Variants in KIRREL3 observed in about 807,000 individuals in gnomAD.
KIRREL3 encodes kin of IRRE-like protein 3.
A neutral mutation model predicts 89.7 loss-of-function variants in KIRREL3; 36 were observed. The ratio of observed to expected loss-of-function variants is 0.40; its 90% CI spans 0.31 to 0.53. The LOEUF (loss-of-function observed/expected upper bound fraction) is 0.53. Among genes scored for constraint, KIRREL3 ranks in the 20% least tolerant of loss-of-function variants. The probability of loss-of-function intolerance (pLI) is 0.49; values close to 1 mark genes in which losing one functional copy is unlikely to be tolerated. For synonymous variants in KIRREL3, 445 were observed against 441.4 expected (o/e 1.01, Z -0.10); for missense variants, 864 against 1,056.6 (o/e 0.82, Z 2.53).
intron 1 of KIRREL3, among the ~76,000 whole-genome samples, chr11:126,827,693 G>A (rs1214935130): frequency 2.6e-5 from 4 of 152,264 alleles, no homozygotes; most frequent in East Asian, 1.9e-4. Context: ...CCTTAAAGTC[G>A]ATAACAATCA....
chr11:126,941,139 A>C (rs1948429388), intron 1 of KIRREL3, among the ~76,000 whole-genome samples: 2 of 152,124 alleles, frequency 1.3e-5, no homozygotes, highest in South Asian at 4.2e-4. Context: ...AATTATTGAA[A>C]ATTTCATCTG....
In KIRREL3 at chr11:126,734,782, G is replaced by A. The variant is rs1317930420; in HGVS notation, c.56-171870C>T. ...AAAGTGCTAAGGAATCACAGTGGTG[G>A]AGACTGATGAGCAGGTCAGAGAAGT... On this transcript the variant is annotated intron_variant, in intron 1 of 16. Coordinates refer to ENST00000525144, the MANE Select transcript of KIRREL3 (RefSeq NM_032531.4). The surrounding 1 kb of genome is among the most constrained non-coding windows in gnomAD (Gnocchi z 5.9). Among the ~76,000 whole-genome samples the A allele has an allele frequency of 6.6e-6, 1 of 152,212 alleles. No individual in the cohort carries two copies. Among genetic ancestry groups the A allele is most frequent in the East Asian group, 1.9e-4 (1 of 5,194 alleles).
rs2134691238 is a variant in KIRREL3 at position 126,587,195 on chromosome 11, G to A, written c.56-24283C>T. ...CTTGGAAAATGTCCACTGGGGACAT[G>A]ACATCCAAGCTGAAACCCGAAGGAC... On this transcript the variant is annotated intron_variant, in intron 1 of 16. Transcript: ENST00000525144. This position sits in a 1 kb window ranked among gnomAD's most constrained non-coding sequence, Gnocchi z 5.2. 6.6e-6 allele frequency among the ~76,000 whole-genome samples: 1 copy of A among 152,242 alleles called. No individual in the cohort carries two copies. Among genetic ancestry groups the A allele is most frequent in the Middle Eastern group, 3.4e-3 (1 of 294 alleles).
At chr11:126,789,115 A>G (rs931736289) in intron 1 of KIRREL3, among the ~76,000 whole-genome samples, 1 of 152,202 alleles carries the variant, frequency 6.6e-6, no homozygotes, top group Non-Finnish European at 1.5e-5. Context: ...CTTTAGGGGC[A>G]TGGACTACTC....
chr11:126,957,727 G>A (rs995322083), intron 1 of KIRREL3, among the ~76,000 whole-genome samples: 1 of 152,192 alleles, frequency 6.6e-6, no homozygotes, highest in African/African-American at 2.4e-5. Flanking sequence ...ACAGGAGAGA[G>A]CTCTAAGGTC....
intron 1 of KIRREL3, among the ~76,000 whole-genome samples, chr11:126,661,173 A>G (rs1399832645): frequency 6.6e-6 from 1 of 152,196 alleles, no homozygotes; most frequent in Admixed American, 6.5e-5. Flanking sequence ...GGATGGTGTC[A>G]TTTTTCTTAT....
At chr11:126,483,132 G>C (rs774682536) in intron 4 of KIRREL3, among the ~76,000 whole-genome samples, 2 of 152,198 alleles carry the variant, frequency 1.3e-5, no homozygotes, top group Non-Finnish European at 2.9e-5. Flanking sequence ...CCTATACTCA[G>C]AGGAAAGAAA....
chr11:126,716,764 T>A (rs1947983452), intron 1 of KIRREL3, among the ~76,000 whole-genome samples: 1 of 89,394 alleles, frequency 1.1e-5, no homozygotes, highest in African/African-American at 4.5e-5. Flanking sequence ...GGGGGGGAAG[T>A]GTGGGGGAGA....
chr11:127,002,662 G>T (rs531256863), upstream of KIRREL3, among the ~76,000 whole-genome samples: 14 of 152,356 alleles, frequency 9.2e-5, no homozygotes, highest in Admixed American at 8.5e-4. Flanking sequence ...TGCCATTCTT[G>T]CAGGGAATAG....
chr11:126,526,442 A>G lies in KIRREL3; in HGVS notation c.283+96T>C. The G allele has an allele frequency of 1.6e-6, 2 of 1,229,864 alleles. No individual in the cohort carries two copies. The highest frequency in any genetic ancestry group is 2.5e-5 in the East Asian group (1 of 39,306). The allele number at this position is 1,229,864 out of a possible 1,614,324, so 76.2% of individuals were successfully genotyped here. On this transcript the variant is annotated intron_variant, in intron 3 of 16. Coordinates refer to ENST00000525144, the MANE Select transcript of KIRREL3 (RefSeq NM_032531.4). The surrounding 1 kb of genome is among the most constrained non-coding windows in gnomAD (Gnocchi z 5.7). ...AGTGAAAGCTAGAGATTCGATACTCAGACACCTGTGAAGATGGGTGCTCCC... is the reference window on the plus strand; with the variant it reads ...AGTGAAAGCTAGAGATTCGATACTCGGACACCTGTGAAGATGGGTGCTCCC...
In KIRREL3 at chr11:126,558,102, G is replaced by T. The variant is rs1250357677; in HGVS notation, c.133+4733C>A. On this transcript the variant is annotated intron_variant, in intron 2 of 16. Coordinates refer to ENST00000525144, the MANE Select transcript of KIRREL3 (RefSeq NM_032531.4). The surrounding 1 kb of genome is among the most constrained non-coding windows in gnomAD (Gnocchi z 4.0). ...CCACCCTGATGGGCAGCCCAAGAAG[G>T]CACCAGTGTGAGGGAGGAGTACCCT... Among the ~76,000 whole-genome samples the T allele has an allele frequency of 6.6e-6, 1 of 152,176 alleles. No individual in the cohort carries two copies. Among genetic ancestry groups the T allele is most frequent in the Non-Finnish European group, 1.5e-5 (1 of 68,026 alleles).
At position 126,534,497 on chromosome 11, in the gene KIRREL3, G is replaced by A. The variant is rs1937671288; in HGVS notation, c.134-7810C>T. On this transcript the variant is annotated intron_variant, in intron 2 of 16. Transcript: ENST00000525144. ...TGGAAGGTAGGTCATGTTCCTGAAA[G>A]CGGGAGGCTCTGCGGGGCAGGGTCC... Among the ~76,000 whole-genome samples the A allele has an allele frequency of 2.0e-5, 3 of 152,322 alleles. No homozygotes were observed. In the South Asian group the frequency reaches 6.2e-4, roughly 32 times the overall value.
chr11:126,859,798 C>T (rs942086896), intron 1 of KIRREL3, among the ~76,000 whole-genome samples: 2 of 152,096 alleles, frequency 1.3e-5, no homozygotes, highest in Non-Finnish European at 2.9e-5. Context: ...GAGGATGAAC[C>T]GAGAGTCCAT....
intron 1 of KIRREL3, among the ~76,000 whole-genome samples, chr11:126,659,545 C>A (rs1006608703): frequency 6.6e-6 from 1 of 152,220 alleles, no homozygotes; most frequent in African/African-American, 2.4e-5. Context: ...TGTGTGCCAA[C>A]ATCCTTTGGT....
intron 1 of KIRREL3, among the ~76,000 whole-genome samples, chr11:126,751,816 C>T (rs1280175045): frequency 6.6e-6 from 1 of 152,158 alleles, no homozygotes; most frequent in Non-Finnish European, 1.5e-5. Flanking sequence ...TTGTATTTCT[C>T]TGTTAGCCAA....
chr11:126,555,714 C>T lies in KIRREL3; in HGVS notation c.133+7121G>A, dbSNP rs1481291452. 1.3e-5 allele frequency among the ~76,000 whole-genome samples: 2 copies of T among 150,894 alleles called. No homozygotes were observed. Among genetic ancestry groups the T allele is most frequent in the African/African-American group, 4.9e-5 (2 of 41,056 alleles). On this transcript the variant is annotated intron_variant, in intron 2 of 16. Coordinates refer to ENST00000525144, the MANE Select transcript of KIRREL3 (RefSeq NM_032531.4). This position sits in a 1 kb window ranked among gnomAD's most constrained non-coding sequence, Gnocchi z 4.2. The stretch of plus-strand genomic sequence containing the variant: ...GGTAGGTAGGAACCAGATCACGTGG[C>T]ACCTTGTAGAACATGCTAACAATGT...
At chr11:127,001,047 G>C (rs896718245), upstream of KIRREL3, 1 of 169,660 alleles carries the variant, frequency 5.9e-6, no homozygotes, top group Non-Finnish European at 1.2e-5. Flanking sequence ...TGAGCTTGGA[G>C]TGGAGCTGTG....
chr11:126,998,946 T>A (rs1950246812), intron 1 of KIRREL3, among the ~76,000 whole-genome samples: 1 of 149,748 alleles, frequency 6.7e-6, no homozygotes, highest in African/African-American at 2.5e-5. Flanking sequence ...TGTGTGTGTG[T>A]GTGTGTGTGT....
chr11:126,521,333 C>A lies in KIRREL3; in HGVS notation c.415G>T (p.Ala139Ser). Residue 139 changes from alanine (A) to serine (S), a missense_variant, in exon 4 of 17, where the codon GCA (alanine) becomes TCA (serine). Coordinates refer to ENST00000525144, the MANE Select transcript of KIRREL3 (RefSeq NM_032531.4). The surrounding 1 kb of genome is among the most constrained non-coding windows in gnomAD (Gnocchi z 4.1). ...TTCTTACCCAGGACTGTGAGGCGTG[C>A]GGGGCGGGAGCGGATGGCGGCCTGG... ...AIQAAIRSRPARLTVLVPPDD... is the reference protein window; with the variant it reads ...AIQAAIRSRPSRLTVLVPPDD... 1 of 1,548,978 alleles carries A rather than the reference C, an allele frequency of 6.5e-7. No homozygotes were observed. The highest frequency in any genetic ancestry group is 1.2e-5 in the South Asian group (1 of 83,560).
Sources: gnomAD v4.1 joint callset for allele counts (sites outside exome capture counted in the v4.1 genomes callset) on GRCh38, gnomAD v4.1.1 for gene constraint, Gnocchi (gnomAD v3.1) non-coding constraint, MANE v1.5 for transcripts, NCBI Gene and HGNC (gene_info 2026-07-23, HGNC 2026-07-21) for gene names.